CDC14B: variants seen among roughly 807,000 people sequenced by gnomAD.
The protein encoded by CDC14B is dual specificity protein phosphatase CDC14B.
Under a neutral mutation model 64.2 loss-of-function variants are expected in CDC14B, and 22 were observed. The ratio of observed to expected loss-of-function variants is 0.34; its 90% confidence interval spans 0.24 to 0.49. The LOEUF is 0.49. CDC14B is among the 20% of genes least tolerant of loss of function. The pLI is 0.99. For missense variants in CDC14B, 498 were observed against 629.9 expected (o/e 0.79, Z 2.24); for synonymous variants, 191 against 215.8 (o/e 0.89, Z 1.01).
chr9:96,613,775 G>A (rs1239957610), intron 1 of CDC14B, among the ~76,000 whole-genome samples: 1 of 152,118 alleles, frequency 6.6e-6, no homozygotes, highest in Non-Finnish European at 1.5e-5. Context: ...TGAAGAAAAA[G>A]CAATTTTTTT....
intron 9 of CDC14B, among the ~76,000 whole-genome samples, chr9:96,525,432 C>T (rs981367209): frequency 1.3e-5 from 2 of 152,072 alleles, no homozygotes; most frequent in Middle Eastern, 3.2e-3. Context: ...CTGCCACTGC[C>T]ACCGAGACAC....
intron 1 of CDC14B, among the ~76,000 whole-genome samples, chr9:96,595,511 T>C (rs187912402): frequency 6.6e-6 from 1 of 152,292 alleles, no homozygotes. Flanking sequence ...ACATAAAAAC[T>C]TGTACGTGAA....
intron 9 of CDC14B, among the ~76,000 whole-genome samples, chr9:96,525,386 A>G (rs1213060941): frequency 6.6e-6 from 1 of 152,112 alleles, no homozygotes; most frequent in African/African-American, 2.4e-5. Flanking sequence ...AAGAAAAGGA[A>G]GGATGATCCC....
chr9:96,551,936 C>T (rs534556448), intron 4 of CDC14B, 64 bp from the exon 5 acceptor site: 18 of 1,542,656 alleles, frequency 1.2e-5, no homozygotes, highest in African/African-American at 8.3e-5. Context: ...GCTGTCACTG[C>T]GAAGTAAATT....
In CDC14B at chr9:96,565,616, T is replaced by C. The variant is rs149234700; in HGVS notation, c.161-133A>G. 22 of 707,726 alleles carry C rather than the reference T, an allele frequency of 3.1e-5. No individual in the cohort carries two copies. In the African/African-American group the frequency reaches 3.6e-4, roughly 11 times the overall value. 43.8% of individuals were successfully genotyped at this position (707,726 alleles called of 1,614,324 possible). A position where few individuals can be genotyped will look rare whatever the true frequency, so the allele number is the denominator to read the frequency against. On this transcript the variant is annotated intron_variant, in intron 1 of 13. Transcript: ENST00000375241. ...ACGTTTCAGATGGTAGGAGTGGTAA[T>C]GGGTAATTACAAAATATTCTGGCTA...
At chr9:96,546,441 T>C (rs948940435) in intron 5 of CDC14B, among the ~76,000 whole-genome samples, 2 of 151,240 alleles carry the variant, frequency 1.3e-5, no homozygotes, top group African/African-American at 2.5e-5. Flanking sequence ...AGAGAATTTT[T>C]TTTTTTTTTT....
chr9:96,566,780 C>T, intron 1 of CDC14B: 7 of 1,607,502 alleles, frequency 4.4e-6, no homozygotes, highest in Non-Finnish European at 5.9e-6. Flanking sequence ...TTGATCACCT[C>T]GGCTACCAAA....
At chr9:96,567,081 C>A (rs571574535) in intron 1 of CDC14B, 2 of 895,504 alleles carry the variant, frequency 2.2e-6, no homozygotes, top group East Asian at 3.2e-5. Context: ...TCTTTCCCCC[C>A]GCCTGGCCGC....
chr9:96,587,001 T>G (rs968430891), intron 1 of CDC14B, among the ~76,000 whole-genome samples: 2 of 151,880 alleles, frequency 1.3e-5, no homozygotes, highest in Non-Finnish European at 2.9e-5. Context: ...CGCGAAACCC[T>G]GTCTCTACTA....
In CDC14B at chr9:96,515,187, A is replaced by G. The variant is rs1016966456; in HGVS notation, c.1344-5398T>C. 3.0e-4 allele frequency among the ~76,000 whole-genome samples: 46 copies of G among 152,354 alleles called. No individual in the cohort carries two copies. The highest frequency in any genetic ancestry group is 1.1e-3 in the African/African-American group (46 of 41,584). On this transcript the variant is annotated intron_variant, in intron 12 of 13. Coordinates refer to ENST00000375241, the MANE Select transcript of CDC14B (RefSeq NM_033331.4). The surrounding 1 kb of genome is among the most constrained non-coding windows in gnomAD (Gnocchi z 4.3). The stretch of plus-strand genomic sequence containing the variant: ...GCAGATTTCGAGGCTACAAAATCAC[A>G]TATTTAATGAAAGTAGATCAGTGGG...
intron 13 of CDC14B, among the ~76,000 whole-genome samples, chr9:96,505,376 G>A (rs1198046594): frequency 6.6e-6 from 1 of 152,106 alleles, no homozygotes; most frequent in Non-Finnish European, 1.5e-5. Context: ...CAGTTTCTTA[G>A]AAAATGAATG....
At chr9:96,607,266 G>A (rs1773989476) in intron 1 of CDC14B, among the ~76,000 whole-genome samples, 1 of 151,584 alleles carries the variant, frequency 6.6e-6, no homozygotes, top group South Asian at 2.1e-4. Context: ...TCTGATCAAT[G>A]CTACCTGAAA....
intron 8 of CDC14B, 75 bp downstream of exon 8, chr9:96,534,380 G>C: frequency 9.2e-7 from 1 of 1,090,168 alleles, no homozygotes; most frequent in Non-Finnish European, 1.4e-6. Context: ...CAAGCTTGGT[G>C]TAACTCTTTC....
At chr9:96,614,420 C>T (rs1255725571) in intron 1 of CDC14B, among the ~76,000 whole-genome samples, 13 of 151,896 alleles carry the variant, frequency 8.6e-5, no homozygotes, top group African/African-American at 2.9e-4. Flanking sequence ...TGGGCTCAAG[C>T]GATCTGCCCG....
intron 13 of CDC14B, among the ~76,000 whole-genome samples, chr9:96,507,331 C>T (rs1819712549): frequency 6.7e-6 from 1 of 148,702 alleles, no homozygotes; most frequent in African/African-American, 2.5e-5. Flanking sequence ...AAAAAAAAAG[C>T]CTGAGCACTC....
At chr9:96,551,307 A>T (rs968433573) in intron 5 of CDC14B, among the ~76,000 whole-genome samples, 6 of 151,516 alleles carry the variant, frequency 4.0e-5, no homozygotes, top group Admixed American at 1.3e-4. Context: ...TTTTTTATAG[A>T]GATGGGGTCT....
chr9:96,505,036 C>T lies in CDC14B; in HGVS notation c.1461-1247G>A, dbSNP rs374554876. On this transcript the variant is annotated intron_variant, in intron 13 of 13. Transcript: ENST00000375241. ...TAAAAATACAGAAGAAAATTTTTAG[C>T]CAGGCGTGGTGATGCACGCCTGTAT... Among the ~76,000 whole-genome samples the T allele has an allele frequency of 2.0e-3, 299 of 152,182 alleles. 4 individuals carry two copies. The highest frequency in any genetic ancestry group is 6.7e-3 in the African/African-American group (280 of 41,510).
intron 9 of CDC14B, among the ~76,000 whole-genome samples, chr9:96,531,967 T>C (rs978062485): frequency 6.6e-6 from 1 of 152,170 alleles, no homozygotes; most frequent in African/African-American, 2.4e-5. Context: ...AACTCCCTTT[T>C]AAGTGTTTGG....
Position 96,503,700 on chromosome 9 carries a change from G to A in CDC14B, c.*53C>T. The A allele has an allele frequency of 2.0e-6, 3 of 1,497,590 alleles. No homozygotes were observed. Among genetic ancestry groups the A allele is most frequent in the Non-Finnish European group, 2.8e-6 (3 of 1,083,536 alleles). The allele number at this position is 1,497,590 out of a possible 1,614,324, so 92.8% of individuals were successfully genotyped here. On this transcript the variant is annotated 3_prime_UTR_variant, in exon 14 of 14. Coordinates refer to ENST00000375241, the MANE Select transcript of CDC14B (RefSeq NM_033331.4). ...TTGTTTTCAAATTGTGCTAATTTCT[G>A]TTGCAGTTTTCAGTCCTAGAGTCTT...
Sources: allele counts gnomAD v4.1 joint callset (sites outside exome capture counted in the v4.1 genomes callset), GRCh38; gene constraint gnomAD v4.1.1; non-coding constraint Gnocchi (gnomAD v3.1); transcripts MANE v1.5; gene names NCBI Gene and HGNC (gene_info 2026-07-23, HGNC 2026-07-21).